The following NIPA2 variants were observed in gnomAD, a reference collection of about 807,000 sequenced individuals.
NIPA2 encodes magnesium transporter NIPA2.
A neutral mutation model predicts 29.7 loss-of-function variants in NIPA2; 11 were observed. The observed-to-expected ratio is 0.37, with a 90% CI of 0.23 to 0.61. NIPA2 has a LOEUF of 0.61. Among genes scored for constraint, NIPA2 ranks in the 20% least tolerant of loss-of-function variants. The pLI is 0.66. For missense variants in NIPA2, 426 were observed against 437.9 expected (o/e 0.97, Z 0.24); for synonymous variants, 183 against 161.9 (o/e 1.13, Z -0.99).
intron 2 of NIPA2, among the ~76,000 whole-genome samples, chr15:22,840,302 GT>G (rs34852065): frequency 3.4e-4 from 44 of 129,508 alleles, no homozygotes; most frequent in South Asian, 4.9e-4. Flanking sequence ...TTTTTTTTTT[GT>G]TTTTTTTTTT....
intron 4 of NIPA2, among the ~76,000 whole-genome samples, chr15:22,852,610 G>T (rs951732170): frequency 7.9e-5 from 12 of 152,172 alleles, no homozygotes; most frequent in Non-Finnish European, 1.3e-4. Flanking sequence ...AGAGTATCCA[G>T]TTTAGTGAAC....
intron 3 of NIPA2, among the ~76,000 whole-genome samples, chr15:22,846,840 A>ATTGTT (rs1555380237): frequency 1.3e-4 from 18 of 134,996 alleles, no homozygotes; most frequent in Non-Finnish European, 2.7e-4. Flanking sequence ...TAATAATAAT[A>ATTGTT]ATTATTATTA....
rs2059185225 is a variant in NIPA2 at position 22,867,462 on chromosome 15, T to C, written c.*615T>C. 2.7e-5 allele frequency: 9 copies of C among 337,884 alleles called. No homozygotes were observed. The highest frequency in any genetic ancestry group is 9.6e-5 in the Admixed American group (2 of 20,892). The allele number at this position is 337,884 out of a possible 1,614,324, so 20.9% of individuals were successfully genotyped here. On this transcript the variant is annotated 3_prime_UTR_variant, in exon 8 of 8. Transcript: ENST00000337451. ...GATGATCACCGTGAATCCGGCTTCC[T>C]CTGAGCATTCGATGGCCTTAGCACC...
At position 22,848,476 on chromosome 15, in the gene NIPA2, C is replaced by T. The variant is rs201452948; in HGVS notation, c.-93-3163C>T. ...CTCCTGGTTTCAAGCAATCCTTCTG[C>T]CTCAGCCTCCTGGTGTGTACCACTG... On this transcript the variant is annotated intron_variant, in intron 3 of 7. Transcript: ENST00000337451. Among the ~76,000 whole-genome samples, 5 of 152,174 alleles carry T rather than the reference C, an allele frequency of 3.3e-5. No individual in the cohort carries two copies. In the East Asian group the frequency reaches 9.6e-4, roughly 29 times the overall value.
chr15:22,846,593 G>A (rs1183905594), intron 3 of NIPA2, among the ~76,000 whole-genome samples: 2 of 151,940 alleles, frequency 1.3e-5, no homozygotes, highest in Non-Finnish European at 2.9e-5. Context: ...CAGGCAGATC[G>A]CTTGAGCTCA....
chr15:22,858,132 G>A (rs182671619), intron 5 of NIPA2, among the ~76,000 whole-genome samples: 45 of 152,220 alleles, frequency 3.0e-4, no homozygotes, highest in African/African-American at 9.9e-4. Context: ...AGTGGCTCAC[G>A]CCTGTAATCC....
chr15:22,846,843 T>TAATA (rs200764393), intron 3 of NIPA2, among the ~76,000 whole-genome samples: 7,621 of 95,134 alleles, frequency 0.08, 374 homozygotes, highest in Middle Eastern at 0.16. Flanking sequence ...TAATAATAAT[T>TAATA]ATTATTATTA....
At chr15:22,844,356 C>T (rs1353863121) in intron 2 of NIPA2, among the ~76,000 whole-genome samples, 2 of 151,818 alleles carry the variant, frequency 1.3e-5, no homozygotes, top group African/African-American at 4.8e-5. Context: ...GTCAGGAGTT[C>T]GAGACCAGCC....
chr15:22,865,686 C>T (rs955487867), intron 7 of NIPA2, among the ~76,000 whole-genome samples: 3 of 152,118 alleles, frequency 2.0e-5, no homozygotes, highest in African/African-American at 7.2e-5. Flanking sequence ...TATTATCATG[C>T]TGGATTTAAT....
rs2059126243 is a variant in NIPA2 at position 22,866,844 on chromosome 15, TTAAG to T, written c.1081_*1del. On this transcript the variant is annotated stop_lost and 3_prime_UTR_variant, in exon 8 of 8. Coordinates refer to ENST00000337451, the MANE Select transcript of NIPA2 (RefSeq NM_030922.7). ...GAAGAAATGGAAATCTGACAGCTTT[TTAAG>T]AAAGGTGTAATTAAAGGTTAATCTG... 1.9e-6 allele frequency: 3 copies of T among 1,579,744 alleles called. No homozygotes were observed. The highest frequency in any genetic ancestry group is 2.6e-6 in the Non-Finnish European group (3 of 1,162,360).
At chr15:22,845,576 A>C (rs1283258832) in intron 3 of NIPA2, among the ~76,000 whole-genome samples, 1 of 152,196 alleles carries the variant, frequency 6.6e-6, no homozygotes, top group Non-Finnish European at 1.5e-5. Flanking sequence ...TTGAGAATTA[A>C]ATAGTAAAGA....
In NIPA2 at chr15:22,846,840, A is replaced by AATAATTATTATT. The variant is rs1555380236; in HGVS notation, c.-94+1575_-94+1576insAATTATTATTAT. On this transcript the variant is annotated intron_variant, in intron 3 of 7. Transcript: ENST00000337451. ...CCAAAATAATAATAATAATAATAAT[A>AATAATTATTATT]ATTATTATTATTATTATTTAAATTT... Among the ~76,000 whole-genome samples the AATAATTATTATT allele has an allele frequency of 2.9e-4, 39 of 134,996 alleles. 1 individual carries two copies. Among genetic ancestry groups the AATAATTATTATT allele is most frequent in the African/African-American group, 1.1e-3 (38 of 35,910 alleles). 88.6% of individuals were successfully genotyped at this position (134,996 alleles called of 152,430 possible).
chr15:22,848,184 G>A (rs923279735), intron 3 of NIPA2, among the ~76,000 whole-genome samples: 23 of 152,138 alleles, frequency 1.5e-4, no homozygotes, highest in African/African-American at 5.1e-4. Context: ...CCTGCCAGGA[G>A]GGCTGAAGCG....
rs769331075 is a variant in NIPA2, at chr15:22,851,763, A to G, written c.32A>G (p.Tyr11Cys). Residue 11 changes from tyrosine (Y) to cysteine (C), a missense_variant, in exon 4 of 8, where the codon TAT becomes TGT. This residue lies in a region of NIPA2 where 57 missense variants were observed against 66.6 expected (regional missense o/e 0.86). Transcript: ENST00000337451. Reference sequence around the variant, plus strand: ...CAGGGGCGTGGAAAATATGACTTCTATATTGGTCTGGGATTGGCTATGAGC... The same window carrying G: ...CAGGGGCGTGGAAAATATGACTTCTGTATTGGTCTGGGATTGGCTATGAGC... The part of the protein sequence containing the change: MSQGRGKYDF[Y>C]IGLGLAMSSS... 107 of 1,613,234 alleles carry G rather than the reference A, an allele frequency of 6.6e-5. No individual in the cohort carries two copies. The highest frequency in any genetic ancestry group is 5.9e-4 in the South Asian group (54 of 91,004).
intron 7 of NIPA2, among the ~76,000 whole-genome samples, chr15:22,861,632 T>G: frequency 6.6e-6 from 1 of 152,214 alleles, no homozygotes; most frequent in South Asian, 2.1e-4. Context: ...TGCGACCAAT[T>G]TTTTGTTTTT....
intron 3 of NIPA2, among the ~76,000 whole-genome samples, chr15:22,848,609 C>A (rs558067471): frequency 6.6e-6 from 1 of 151,706 alleles, no homozygotes; most frequent in South Asian, 2.1e-4. Flanking sequence ...GCGGATCACT[C>A]GAGGTCAGGA....
intron 2 of NIPA2, 67 bp downstream of exon 2, chr15:22,839,857 A>G (rs1896531965): frequency 6.6e-6 from 1 of 152,202 alleles, no homozygotes; most frequent in East Asian, 1.9e-4. Flanking sequence ...TAGGTTCTGT[A>G]ATATTTATAA....
chr15:22,842,395 G>T (rs909597113), intron 2 of NIPA2, among the ~76,000 whole-genome samples: 1 of 152,152 alleles, frequency 6.6e-6, no homozygotes, highest in African/African-American at 2.4e-5. Flanking sequence ...ATGGTATGGG[G>T]AAATAAGATC....
At chr15:22,852,019 T>G (rs1555383171) in intron 4 of NIPA2, 149 bp downstream of exon 4, 1 of 707,536 alleles carries the variant, frequency 1.4e-6, no homozygotes, top group Non-Finnish European at 2.3e-6. Context: ...AGTTGATGTT[T>G]GGTTATTTAT....
Sources: gnomAD v4.1 joint callset for allele counts (sites outside exome capture counted in the v4.1 genomes callset) on GRCh38, gnomAD v4.1.1 for gene constraint, gnomAD v4.1.1 regional missense constraint, MANE v1.5 for transcripts, NCBI Gene and HGNC (gene_info 2026-07-23, HGNC 2026-07-21) for gene names.